NKAIN2: variants seen among roughly 807,000 people sequenced by gnomAD.
The protein encoded by NKAIN2 is sodium/potassium-transporting ATPase subunit beta-1-interacting protein 2.
A neutral mutation model predicts 32.6 loss-of-function variants in NKAIN2; 14 were observed. The observed-to-expected ratio is 0.43, with a 90% CI of 0.28 to 0.67. NKAIN2 has a LOEUF of 0.67. Among genes scored for constraint, NKAIN2 ranks in the 30% least tolerant of loss-of-function variants. The probability of loss-of-function intolerance (pLI) is 0.17; values close to 1 mark genes in which losing one functional copy is unlikely to be tolerated. For missense variants in NKAIN2, 198 were observed against 258.3 expected (o/e 0.77, Z 1.60); for synonymous variants, 80 against 87.2 (o/e 0.92, Z 0.46).
At chr6:124,113,892 A>G (rs139470458) in intron 1 of NKAIN2, among the ~76,000 whole-genome samples, 1 of 152,290 alleles carries the variant, frequency 6.6e-6, no homozygotes, top group African/African-American at 2.4e-5. Flanking sequence ...CTGAATCGAT[A>G]TGCTTGTATG....
chr6:124,522,829 G>A (rs906615811), intron 3 of NKAIN2, among the ~76,000 whole-genome samples: 1 of 151,936 alleles, frequency 6.6e-6, no homozygotes, highest in Non-Finnish European at 1.5e-5. Context: ...TGTTTTATGA[G>A]GTTTTTTTGT....
At chr6:124,075,094 T>G (rs1158033328) in intron 1 of NKAIN2, among the ~76,000 whole-genome samples, 1 of 152,178 alleles carries the variant, frequency 6.6e-6, no homozygotes, top group Non-Finnish European at 1.5e-5. Flanking sequence ...TGGGTTAAAT[T>G]GAGGCATGTG....
At chr6:124,433,893 G>A (rs1329306527) in intron 3 of NKAIN2, among the ~76,000 whole-genome samples, 1 of 152,118 alleles carries the variant, frequency 6.6e-6, no homozygotes, top group Admixed American at 6.6e-5. Context: ...GTTTGTTTTT[G>A]CTGCTCCGGC....
chr6:124,468,114 A>G (rs1360962239), intron 3 of NKAIN2, among the ~76,000 whole-genome samples: 8 of 152,166 alleles, frequency 5.3e-5, no homozygotes, highest in Non-Finnish European at 1.0e-4. Context: ...TTCATGGAAT[A>G]ACATGGGTAT....
At chr6:123,976,693 A>T (rs2114653735) in intron 1 of NKAIN2, among the ~76,000 whole-genome samples, 1 of 152,112 alleles carries the variant, frequency 6.6e-6, no homozygotes, top group Admixed American at 6.6e-5. Flanking sequence ...ATATAAAATT[A>T]ACTATCATGC....
At chr6:124,729,156 T>C (rs1701583299) in intron 4 of NKAIN2, among the ~76,000 whole-genome samples, 1 of 152,206 alleles carries the variant, frequency 6.6e-6, no homozygotes, top group Non-Finnish European at 1.5e-5. Context: ...CCATTCCTTC[T>C]GAAACTATTC....
chr6:124,564,136 T>C (rs1346770155), intron 3 of NKAIN2, among the ~76,000 whole-genome samples: 1 of 152,128 alleles, frequency 6.6e-6, no homozygotes, highest in African/African-American at 2.4e-5. Flanking sequence ...CTGGACTTCC[T>C]GGGTGGAGTG....
At chr6:124,438,238 A>G (rs1419842430) in intron 3 of NKAIN2, among the ~76,000 whole-genome samples, 2 of 152,082 alleles carry the variant, frequency 1.3e-5, no homozygotes, top group Admixed American at 6.6e-5. Flanking sequence ...CCAGAATTTA[A>G]TTTTAACTTA....
chr6:124,620,309 T>G (rs941311292), intron 3 of NKAIN2, among the ~76,000 whole-genome samples: 2 of 152,198 alleles, frequency 1.3e-5, no homozygotes, highest in African/African-American at 4.8e-5. Context: ...GTATTTTTAT[T>G]TTGGTTTACA....
At chr6:124,207,174 C>T (rs1183037064) in intron 1 of NKAIN2, among the ~76,000 whole-genome samples, 1 of 151,554 alleles carries the variant, frequency 6.6e-6, no homozygotes, top group African/African-American at 2.4e-5. Context: ...CACCTGCTTT[C>T]CCAGCTACTT....
At chr6:123,901,142 G>A (rs1774567251) in intron 1 of NKAIN2, among the ~76,000 whole-genome samples, 2 of 151,982 alleles carry the variant, frequency 1.3e-5, no homozygotes, top group Admixed American at 1.3e-4. Context: ...AGTTCACTTT[G>A]AACTATAATC....
chr6:124,101,492 A>G (rs1186973468), intron 1 of NKAIN2, among the ~76,000 whole-genome samples: 2 of 152,168 alleles, frequency 1.3e-5, no homozygotes, highest in African/African-American at 4.8e-5. Flanking sequence ...TGTCAGGAGT[A>G]TCAGTTTCTT....
At chr6:124,807,739 C>T (rs1431811218) in intron 5 of NKAIN2, among the ~76,000 whole-genome samples, 1 of 150,610 alleles carries the variant, frequency 6.6e-6, no homozygotes, top group East Asian at 2.0e-4. Flanking sequence ...TGATAGACCG[C>T]TAGCAATAAA....
intron 1 of NKAIN2, among the ~76,000 whole-genome samples, chr6:124,019,403 G>GA (rs35356108): frequency 6.6e-6 from 1 of 150,928 alleles, no homozygotes; most frequent in African/African-American, 2.4e-5. Flanking sequence ...ACATAGGAGT[G>GA]AAAAAAAAAC....
chr6:124,465,711 T>C (rs1331249252), intron 3 of NKAIN2, among the ~76,000 whole-genome samples: 1 of 151,876 alleles, frequency 6.6e-6, no homozygotes, highest in Admixed American at 6.6e-5. Flanking sequence ...AGAAACTACA[T>C]GGTCACCTCC....
intron 1 of NKAIN2, among the ~76,000 whole-genome samples, chr6:124,173,367 C>T (rs1000712917): frequency 6.6e-6 from 1 of 152,060 alleles, no homozygotes; most frequent in East Asian, 1.9e-4. Context: ...ATGTTTCTGT[C>T]TTCCAGTCTC....
intron 1 of NKAIN2, among the ~76,000 whole-genome samples, chr6:124,215,474 G>T (rs1443746066): frequency 1.3e-5 from 2 of 152,136 alleles, no homozygotes; most frequent in Non-Finnish European, 2.9e-5. Flanking sequence ...GATACATTAT[G>T]TGGAAACTTT....
intron 3 of NKAIN2, among the ~76,000 whole-genome samples, chr6:124,408,103 G>T (rs1427245244): frequency 6.6e-6 from 1 of 151,988 alleles, no homozygotes; most frequent in Non-Finnish European, 1.5e-5. Flanking sequence ...TTAGCCCTTT[G>T]TCAGATGAGT....
At chr6:124,599,428 G>C (rs1010595116) in intron 3 of NKAIN2, among the ~76,000 whole-genome samples, 2 of 152,088 alleles carry the variant, frequency 1.3e-5, no homozygotes, top group Non-Finnish European at 2.9e-5. Context: ...GTTGCATTTA[G>C]TCTATTCCCT....
Sources: allele counts gnomAD v4.1 joint callset (sites outside exome capture counted in the v4.1 genomes callset), GRCh38; gene constraint gnomAD v4.1.1; transcripts MANE v1.5; gene names NCBI Gene and HGNC (gene_info 2026-07-23, HGNC 2026-07-21).